Variants in NHSL1 observed in about 807,000 individuals in gnomAD.
The protein encoded by NHSL1 is NHS like 1.
In NHSL1, 48 loss-of-function variants were observed where a neutral mutation model predicts 95.0. That is an observed-to-expected ratio of 0.51 (90% CI 0.40 to 0.64). The LOEUF (loss-of-function observed/expected upper bound fraction) is 0.64, where lower values mean the gene tolerates loss of function less well. Among genes scored for constraint, NHSL1 ranks in the 30% least tolerant of loss-of-function variants. The pLI, the probability that NHSL1 is intolerant of heterozygous loss-of-function variation, is 0.00. For synonymous variants in NHSL1, 783 were observed against 833.9 expected (o/e 0.94, Z 1.05); for missense variants, 1,971 against 2,077.7 (o/e 0.95, Z 1.00).
chr6:138,673,615 G>A (rs984371122), intron 1 of NHSL1, among the ~76,000 whole-genome samples: 2 of 152,000 alleles, frequency 1.3e-5, no homozygotes, highest in African/African-American at 4.8e-5. Flanking sequence ...TTTTCACTTT[G>A]GAAATCGAAC....
intron 2 of NHSL1, among the ~76,000 whole-genome samples, chr6:138,475,507 C>G (rs921497016): frequency 2.0e-5 from 3 of 152,112 alleles, no homozygotes; most frequent in Admixed American, 1.3e-4. Context: ...GGATTATAGC[C>G]GTGAGCCACT....
upstream of NHSL1, among the ~76,000 whole-genome samples, chr6:138,550,597 G>A (rs1782965687): frequency 6.6e-6 from 1 of 152,198 alleles, no homozygotes; most frequent in South Asian, 2.1e-4. Context: ...CTCTACAAGA[G>A]GGAGTGGTAT....
At chr6:138,448,945 G>C (rs1414803353) in intron 3 of NHSL1, among the ~76,000 whole-genome samples, 2 of 151,862 alleles carry the variant, frequency 1.3e-5, no homozygotes, top group African/African-American at 4.8e-5. Context: ...CCAGCTATTG[G>C]GGAGGCTGAG....
At chr6:138,496,392 T>G in intron 1 of NHSL1, 21 bp from the exon 2 acceptor site, 1 of 1,548,686 alleles carries the variant, frequency 6.5e-7, no homozygotes. Context: ...AAAGATAGAA[T>G]ACATTCAGGT....
At chr6:138,667,237 T>C (rs1206428194) in intron 1 of NHSL1, among the ~76,000 whole-genome samples, 1 of 152,200 alleles carries the variant, frequency 6.6e-6, no homozygotes, top group Non-Finnish European at 1.5e-5. Context: ...GCTCTAAATG[T>C]AGAAAGAGGC....
chr6:138,555,276 G>C (rs1221131799), intron 1 of NHSL1, among the ~76,000 whole-genome samples: 1 of 152,064 alleles, frequency 6.6e-6, no homozygotes, highest in Non-Finnish European at 1.5e-5. Flanking sequence ...TTACCATTTT[G>C]TTCATGGTAA....
At chr6:138,527,597 G>T (rs1781959856) in intron 1 of NHSL1, among the ~76,000 whole-genome samples, 1 of 152,116 alleles carries the variant, frequency 6.6e-6, no homozygotes, top group Admixed American at 6.5e-5. Context: ...ATGAACAGTG[G>T]AAAGAAGTGG....
In NHSL1 at chr6:138,431,938, T is replaced by G. The variant is rs1361568236; in HGVS notation, c.2407A>C (p.Ser803Arg). ...CCGTTCCCAGTGGGCACCCCACTGC[T>G]GGTTGAACAGCCCCCTGCCGGGTTC... ...PGNPAGGCST[S>R]SGVPTGNGPV... Residue 803 changes from serine to arginine, a missense_variant, in exon 6 of 8, where the codon AGC becomes CGC. By Grantham distance (110) the Ser-to-Arg change is moderately radical (BLOSUM62 -1). Coordinates refer to ENST00000343505, the MANE Select transcript of NHSL1 (RefSeq NM_001144060.2). The surrounding 1 kb of genome is among the most constrained non-coding windows in gnomAD (Gnocchi z 4.0). 2 of 1,551,734 alleles carry G rather than the reference T, an allele frequency of 1.3e-6. No homozygotes were observed. The highest frequency in any genetic ancestry group is 1.4e-5 in the African/African-American group (1 of 73,182).
At chr6:138,444,406 T>C (rs1350848741) in intron 4 of NHSL1, among the ~76,000 whole-genome samples, 1 of 152,146 alleles carries the variant, frequency 6.6e-6, no homozygotes, top group Non-Finnish European at 1.5e-5. Context: ...TAGCAGATGA[T>C]AGAAGATATT....
chr6:138,601,695 C>T (rs1784372950), intron 1 of NHSL1, among the ~76,000 whole-genome samples: 1 of 151,962 alleles, frequency 6.6e-6, no homozygotes, highest in African/African-American at 2.4e-5. Context: ...ACATGTAGTC[C>T]CAGCTACTCG....
intron 1 of NHSL1, among the ~76,000 whole-genome samples, chr6:138,588,771 A>G (rs4629702): frequency 0.18 from 27,704 of 152,220 alleles, 3,232 homozygotes; most frequent in East Asian, 0.39. Flanking sequence ...TTCTTATATT[A>G]CAACATTAAG....
intron 1 of NHSL1, among the ~76,000 whole-genome samples, chr6:138,523,493 G>A (rs537027769): frequency 1.3e-5 from 2 of 151,682 alleles, no homozygotes; most frequent in Non-Finnish European, 2.9e-5. Context: ...ACTTTTTGTC[G>A]AGACAGGGTC....
chr6:138,501,746 T>TTGGA (rs1780692675), upstream of NHSL1, among the ~76,000 whole-genome samples: 1 of 152,216 alleles, frequency 6.6e-6, no homozygotes, highest in Non-Finnish European at 1.5e-5. Context: ...TCTGTATCCA[T>TTGGA]TCCAGGATGC....
intron 1 of NHSL1, chr6:138,650,949 G>C (rs573355730): frequency 1.7e-4 from 93 of 532,808 alleles, no homozygotes; most frequent in African/African-American, 1.6e-3. Context: ...AAGCTTGGCA[G>C]ATAGAGGACC....
intron 1 of NHSL1, among the ~76,000 whole-genome samples, chr6:138,648,109 C>T (rs573456344): frequency 3.9e-5 from 6 of 152,164 alleles, no homozygotes; most frequent in African/African-American, 1.4e-4. Flanking sequence ...CACTGATGAA[C>T]CTATTTTTAT....
chr6:138,571,931 A>G, exon 1 of NHSL1: 2 of 1,549,024 alleles, frequency 1.3e-6, no homozygotes, highest in Non-Finnish European at 1.7e-6. Context: ...AAAATCAACT[A>G]GAGACAAAGA....
Position 138,431,724 on chromosome 6 carries a change from G to C in NHSL1, c.2621C>G (p.Pro874Arg). 2 of 1,551,750 alleles carry C rather than the reference G, an allele frequency of 1.3e-6. No homozygotes were observed. Among genetic ancestry groups the C allele is most frequent in the Non-Finnish European group, 1.7e-6 (2 of 1,146,992 alleles). Residue 874 changes from proline (P) to arginine (R), a missense_variant, in exon 6 of 8, where the codon CCA becomes CGA. Transcript: ENST00000343505. This position sits in a 1 kb window ranked among gnomAD's most constrained non-coding sequence, Gnocchi z 4.0. ...CTTGGGCTTCCCCTTCCCGTTTGCTGGTGACACTGATTTTAAAAACACAGG... is the reference window on the plus strand; with the variant it reads ...CTTGGGCTTCCCCTTCCCGTTTGCTCGTGACACTGATTTTAAAAACACAGG... ...PVPVFLKSVS[P>R]ANGKGKPKPK... is the part of the protein sequence containing the mutation.
At chr6:138,442,978 C>T (rs995815191) in intron 4 of NHSL1, among the ~76,000 whole-genome samples, 2 of 151,800 alleles carry the variant, frequency 1.3e-5, no homozygotes, top group African/African-American at 4.8e-5. Flanking sequence ...CAGCACTGAC[C>T]TTTTTGAATG....
At chr6:138,482,314 C>T (rs930540968) in intron 2 of NHSL1, among the ~76,000 whole-genome samples, 12 of 151,966 alleles carry the variant, frequency 7.9e-5, no homozygotes, top group African/African-American at 1.4e-4. Flanking sequence ...GGCGTGGTGG[C>T]GGGTGCCTGT....
Sources: allele counts gnomAD v4.1 joint callset (sites outside exome capture counted in the v4.1 genomes callset), GRCh38; gene constraint gnomAD v4.1.1; non-coding constraint Gnocchi (gnomAD v3.1); transcripts MANE v1.5; gene names NCBI Gene and HGNC (gene_info 2026-07-23, HGNC 2026-07-21).